The following PPM1B variants were observed in gnomAD, a reference collection of about 807,000 sequenced individuals.
PPM1B encodes the protein protein phosphatase, Mg2+/Mn2+ dependent 1B, also known as protein phosphatase 1B.
Under a neutral mutation model 43.0 loss-of-function variants are expected in PPM1B, and 22 were observed. That is an observed-to-expected ratio of 0.51 (90% CI 0.37 to 0.73). The LOEUF (loss-of-function observed/expected upper bound fraction) is 0.73, where lower values mean the gene tolerates loss of function less well. Ranked by LOEUF, PPM1B falls within the 30% of genes least tolerant of loss-of-function variation. PPM1B has a pLI of 0.00. For missense variants in PPM1B, 632 were observed against 584.2 expected, an observed-to-expected ratio of 1.08 and a Z score of -0.84; for synonymous variants, 217 against 197.9, an observed-to-expected ratio of 1.10 and a Z score of -0.81.
At chr2:44,228,387 T>C (rs1670319953) in intron 5 of PPM1B, among the ~76,000 whole-genome samples, 1 of 152,100 alleles carries the variant, frequency 6.6e-6, no homozygotes, top group African/African-American at 2.4e-5. Flanking sequence ...TTTCCCAGGC[T>C]GGCCTAGAAC....
chr2:44,223,909 C>T (rs993187734), intron 5 of PPM1B, among the ~76,000 whole-genome samples: 5 of 146,774 alleles, frequency 3.4e-5, no homozygotes, highest in African/African-American at 1.2e-4. Flanking sequence ...TGACATAACA[C>T]TTACCTTTGC....
At chr2:44,177,418 C>CTT (rs35330548) in intron 1 of PPM1B, among the ~76,000 whole-genome samples, 68,175 of 122,056 alleles carry the variant, frequency 0.56, 20,359 homozygotes, top group South Asian at 0.65. Context: ...GTGAAATAAC[C>CTT]TTTTTTTTTT....
chr2:44,190,704 G>T (rs1668368322), intron 1 of PPM1B, among the ~76,000 whole-genome samples: 1 of 152,038 alleles, frequency 6.6e-6, no homozygotes, highest in Admixed American at 6.6e-5. Flanking sequence ...ATTTATTTTG[G>T]CTAAACAGTT....
intron 5 of PPM1B, among the ~76,000 whole-genome samples, chr2:44,224,116 A>G (rs967154312): frequency 3.3e-5 from 5 of 152,128 alleles, no homozygotes; most frequent in Non-Finnish European, 7.4e-5. Flanking sequence ...AAACATTTTT[A>G]CTAGTGTTTA....
chr2:44,225,231 A>C (rs1263223855), intron 5 of PPM1B, among the ~76,000 whole-genome samples: 2 of 152,216 alleles, frequency 1.3e-5, no homozygotes, highest in Non-Finnish European at 2.9e-5. Flanking sequence ...CATAGAATGG[A>C]ATATGAAATT....
intron 1 of PPM1B, among the ~76,000 whole-genome samples, chr2:44,176,839 T>C (rs1433316837): frequency 6.6e-6 from 1 of 152,220 alleles, no homozygotes; most frequent in Non-Finnish European, 1.5e-5. Flanking sequence ...TGGGGTGCAG[T>C]GGTGCAATCT....
chr2:44,222,213 A>G (rs185432531), intron 5 of PPM1B, among the ~76,000 whole-genome samples: 1 of 152,042 alleles, frequency 6.6e-6, no homozygotes, highest in East Asian at 1.9e-4. Context: ...ACTTGATCTG[A>G]TTCATTTGTG....
At chr2:44,223,689 G>A (rs1558427256) in intron 5 of PPM1B, among the ~76,000 whole-genome samples, 3 of 151,650 alleles carry the variant, frequency 2.0e-5, no homozygotes, top group South Asian at 4.2e-4. Flanking sequence ...GGTGGTGGGC[G>A]CCTGTAGTCT....
intron 5 of PPM1B, among the ~76,000 whole-genome samples, chr2:44,228,513 A>G (rs546231199): frequency 2.7e-3 from 407 of 152,148 alleles, no homozygotes; most frequent in Middle Eastern, 0.01. Flanking sequence ...ATCTGCTCTC[A>G]TTTTTCTAAT....
chr2:44,238,399 C>G (rs1365329968), downstream of PPM1B, among the ~76,000 whole-genome samples: 2 of 152,068 alleles, frequency 1.3e-5, no homozygotes, highest in East Asian at 3.9e-4. Context: ...CTGAAGTATA[C>G]TCTTGAAAGT....
intron 5 of PPM1B, among the ~76,000 whole-genome samples, chr2:44,240,046 T>G (rs1670713339): frequency 6.8e-6 from 1 of 147,038 alleles, no homozygotes; most frequent in African/African-American, 2.4e-5. Context: ...GGTCTCACTC[T>G]GTTGCCCAGG....
chr2:44,193,313 A>T (rs915496641), intron 1 of PPM1B, among the ~76,000 whole-genome samples: 2 of 152,118 alleles, frequency 1.3e-5, no homozygotes, highest in Non-Finnish European at 2.9e-5. Flanking sequence ...ATGATTAGTG[A>T]GGTTGAGCAT....
chr2:44,231,321 A>G lies in PPM1B; in HGVS notation c.*603A>G. ...TTCTCTGTATTCTTTATGAAACATAACTTTTGAAAAACCTATGTATTATTC... is the reference window on the plus strand; with the variant it reads ...TTCTCTGTATTCTTTATGAAACATAGCTTTTGAAAAACCTATGTATTATTC... On this transcript the variant is annotated 3_prime_UTR_variant, in exon 6 of 6. Coordinates refer to ENST00000282412, the MANE Select transcript of PPM1B (RefSeq NM_002706.6). The G allele has an allele frequency of 5.1e-6, 5 of 979,918 alleles. No individual in the cohort carries two copies. Among genetic ancestry groups the G allele is most frequent in the Non-Finnish European group, 6.1e-6 (5 of 824,940 alleles). The allele number at this position is 979,918 out of a possible 1,614,324, so 60.7% of individuals were successfully genotyped here. A position where few individuals can be genotyped will look rare whatever the true frequency, so the allele number is the denominator to read the frequency against.
At chr2:44,176,907 A>G (rs1014114578) in intron 1 of PPM1B, among the ~76,000 whole-genome samples, 1 of 152,038 alleles carries the variant, frequency 6.6e-6, no homozygotes, top group Non-Finnish European at 1.5e-5. Flanking sequence ...CAGCCTCCCA[A>G]GTAGCTGGGA....
At chr2:44,221,004 C>T (rs1471257847) in intron 5 of PPM1B, among the ~76,000 whole-genome samples, 2 of 152,104 alleles carry the variant, frequency 1.3e-5, no homozygotes, top group Non-Finnish European at 2.9e-5. Context: ...TGCTAAGAGA[C>T]CAGCCTTTTG....
downstream of PPM1B, chr2:44,232,877 T>A (rs958261662): frequency 1.7e-5 from 17 of 974,212 alleles, no homozygotes; most frequent in Admixed American, 6.1e-5. Flanking sequence ...TTTTTTCCAA[T>A]TTTACCTGTA....
downstream of PPM1B, among the ~76,000 whole-genome samples, chr2:44,239,590 C>T (rs903034134): frequency 1.3e-5 from 2 of 151,986 alleles, no homozygotes; most frequent in African/African-American, 4.8e-5. Flanking sequence ...AATGTAGTAA[C>T]AAGGCTGAGG....
At chr2:44,188,640 C>T (rs1044364749) in intron 1 of PPM1B, among the ~76,000 whole-genome samples, 1 of 152,018 alleles carries the variant, frequency 6.6e-6, no homozygotes, top group African/African-American at 2.4e-5. Flanking sequence ...AAGTGATCCT[C>T]CTGCCTCAGC....
At chr2:44,244,820 G>GATATATAT (rs542334922), downstream of PPM1B, among the ~76,000 whole-genome samples, 5,566 of 129,428 alleles carry the variant, frequency 0.043, 161 homozygotes, top group African/African-American at 0.07. Flanking sequence ...AATTACTTGA[G>GATATATAT]ATATATATAT....
Sources: gnomAD v4.1 joint callset for allele counts (sites outside exome capture counted in the v4.1 genomes callset) on GRCh38, gnomAD v4.1.1 for gene constraint, MANE v1.5 for transcripts, NCBI Gene and HGNC (gene_info 2026-07-23, HGNC 2026-07-21) for gene names.